Variants in NCAM2 observed in about 807,000 individuals in gnomAD.
NCAM2 encodes the protein N-CAM-2.
Under a neutral mutation model 98.1 loss-of-function variants are expected in NCAM2, and 30 were observed. The ratio of observed to expected loss-of-function variants is 0.31; its 90% confidence interval spans 0.23 to 0.41. NCAM2 has a LOEUF of 0.41. NCAM2 is among the 10% of genes least tolerant of loss of function. NCAM2 has a pLI of 1.00. For synonymous variants in NCAM2, 368 were observed against 342.4 expected (o/e 1.07, Z -0.83); for missense variants, 867 against 1,005.8 (o/e 0.86, Z 1.87).
intron 1 of NCAM2, among the ~76,000 whole-genome samples, chr21:21,009,727 T>C (rs1304095689): frequency 6.6e-6 from 1 of 152,070 alleles, no homozygotes; most frequent in East Asian, 1.9e-4. Flanking sequence ...ATTCATTCTA[T>C]TGTTATTGGA....
chr21:21,455,008 G>C (rs560955959), intron 12 of NCAM2, among the ~76,000 whole-genome samples: 1 of 151,702 alleles, frequency 6.6e-6, no homozygotes, highest in Admixed American at 6.6e-5. Context: ...ATTTGCCTAA[G>C]GATAGCAATT....
chr21:21,040,977 A>G (rs2064892987), intron 1 of NCAM2, among the ~76,000 whole-genome samples: 1 of 152,164 alleles, frequency 6.6e-6, no homozygotes, highest in African/African-American at 2.4e-5. Context: ...GGATATGCAA[A>G]TAACCCTTAT....
chr21:21,402,396 C>T (rs180895428), intron 9 of NCAM2, among the ~76,000 whole-genome samples: 2 of 152,154 alleles, frequency 1.3e-5, no homozygotes, highest in East Asian at 3.9e-4. Context: ...CCTGCAGTAC[C>T]CTCAGGCTGA....
Position 21,186,454 on chromosome 21 carries a change from A to T in NCAM2, c.56-94124A>T, listed in dbSNP as rs371420268. Among the ~76,000 whole-genome samples, 95 of 152,242 alleles carry T rather than the reference A, an allele frequency of 6.2e-4. No homozygotes were observed. In the East Asian group the frequency reaches 0.014, roughly 22 times the overall value. ...TAATTTTGGGAATAATTTTATTTTT[A>T]TAAAATTTTGAAAAATGGATAAGAC... On this transcript the variant is annotated intron_variant, in intron 1 of 17. Transcript: ENST00000400546.
At chr21:21,532,969 C>A (rs566590717) in intron 16 of NCAM2, among the ~76,000 whole-genome samples, 1 of 152,114 alleles carries the variant, frequency 6.6e-6, no homozygotes, top group South Asian at 2.1e-4. Flanking sequence ...TAGATTTCTT[C>A]TATTCTTATA....
chr21:21,388,090 C>T (rs112189496), intron 9 of NCAM2, among the ~76,000 whole-genome samples: 4 of 152,252 alleles, frequency 2.6e-5, no homozygotes, highest in African/African-American at 9.6e-5. Flanking sequence ...TATAACCAGG[C>T]TGAAGAGGCA....
intron 1 of NCAM2, among the ~76,000 whole-genome samples, chr21:21,129,627 T>C (rs909719174): frequency 1.3e-5 from 2 of 152,190 alleles, no homozygotes; most frequent in Admixed American, 1.3e-4. Flanking sequence ...GGTTTTTAGA[T>C]GGCATTCTCA....
chr21:21,062,196 C>T (rs946234189), intron 1 of NCAM2, among the ~76,000 whole-genome samples: 6 of 151,956 alleles, frequency 3.9e-5, no homozygotes, highest in African/African-American at 9.7e-5. Flanking sequence ...TTGGCATATA[C>T]GTAAGTATAA....
At position 21,297,649 on chromosome 21, in the gene NCAM2, A is replaced by G. The variant is rs533958901; in HGVS notation, c.619+5408A>G. Among the ~76,000 whole-genome samples, 5 of 151,824 alleles carry G rather than the reference A, an allele frequency of 3.3e-5. No individual in the cohort carries two copies. The East Asian group carries it at 9.7e-4, about 30-fold the overall frequency. ...GATACGCTTTTCTAAAAGAGGATTA[A>G]TATTGTCTCTCTTACTTTAACCCAC... On this transcript the variant is annotated intron_variant, in intron 5 of 17. Coordinates refer to ENST00000400546, the MANE Select transcript of NCAM2 (RefSeq NM_004540.5).
rs979146071 is a variant in NCAM2, at chr21:21,248,069, T to C, written c.56-32509T>C. 2.3e-4 allele frequency among the ~76,000 whole-genome samples: 35 copies of C among 152,170 alleles called. 1 individual carries two copies. Among genetic ancestry groups the C allele is most frequent in the Admixed American group, 2.3e-3 (35 of 15,252 alleles). ...CTTTGAGTTTTTCAATTCAATTAAA[T>C]AGACAATAATATTATATAAGTATGT... On this transcript the variant is annotated intron_variant, in intron 1 of 17. Transcript: ENST00000400546.
intron 9 of NCAM2, among the ~76,000 whole-genome samples, chr21:21,385,021 T>C (rs2076235441): frequency 6.9e-6 from 1 of 144,898 alleles, no homozygotes; most frequent in Admixed American, 6.7e-5. Flanking sequence ...TTGAAACTTG[T>C]TTTTTTTTAC....
chr21:21,432,264 G>A lies in NCAM2; in HGVS notation c.1637G>A (p.Arg546His), dbSNP rs373557277. ...GCGTCAGAAATCTGGAAAATTGTAC[G>A]CTCCCATGGAGTTCAAAGTGAGTCA... ...EVASEIWKIV[R>H]SHGVQTMVVL... Residue 546 changes from arginine (R) to histidine (H), a missense_variant, in exon 12 of 18, where the codon CGC becomes CAC. By Grantham distance (29) the Arg-to-His change is conservative (BLOSUM62 0). Transcript: ENST00000400546. The A allele has an allele frequency of 1.1e-5, 18 of 1,613,494 alleles. No homozygotes were observed. Among genetic ancestry groups the A allele is most frequent in the East Asian group, 4.5e-5 (2 of 44,874 alleles).
chr21:21,180,797 GAAGA>G (rs1484604882), intron 1 of NCAM2, among the ~76,000 whole-genome samples: 2 of 152,140 alleles, frequency 1.3e-5, no homozygotes, highest in Non-Finnish European at 2.9e-5. Context: ...TAGAAAGAAG[GAAGA>G]GTTATGTAGA....
At chr21:21,446,651 C>G (rs1054846046) in intron 12 of NCAM2, among the ~76,000 whole-genome samples, 3 of 151,932 alleles carry the variant, frequency 2.0e-5, no homozygotes, top group Non-Finnish European at 4.4e-5. Flanking sequence ...TTTGGAAAAC[C>G]CCATCATCTC....
chr21:21,029,732 G>A (rs1022412108), intron 1 of NCAM2, among the ~76,000 whole-genome samples: 2 of 152,108 alleles, frequency 1.3e-5, no homozygotes, highest in Non-Finnish European at 2.9e-5. Flanking sequence ...CTGGGTTCAA[G>A]TGATCCCCCT....
At chr21:21,401,045 C>T (rs993834579) in intron 9 of NCAM2, among the ~76,000 whole-genome samples, 1 of 152,118 alleles carries the variant, frequency 6.6e-6, no homozygotes, top group Non-Finnish European at 1.5e-5. Flanking sequence ...AAAGCAGAAA[C>T]TCAAGGTCAC....
chr21:21,526,257 T>C (rs1989317694), intron 16 of NCAM2, among the ~76,000 whole-genome samples: 1 of 152,064 alleles, frequency 6.6e-6, no homozygotes, highest in Admixed American at 6.5e-5. Flanking sequence ...GTATAGTCAA[T>C]GATTATAGCA....
intron 13 of NCAM2, among the ~76,000 whole-genome samples, chr21:21,467,428 T>TATATATATATATCTCTTTA (rs1555902035): frequency 1.8e-4 from 26 of 140,730 alleles, no homozygotes; most frequent in Middle Eastern, 3.6e-3. Flanking sequence ...ATATATCTTT[T>TATATATATATATCTCTTTA]TATATATATA....
chr21:21,327,306 C>CAAAAA lies in NCAM2; in HGVS notation c.737+2826_737+2830dup, dbSNP rs11384559. The stretch of plus-strand genomic sequence containing the variant: ...CAGGCAACAGAGCAAGACTCTGTCT[C>CAAAAA]AAAAAAAAAAAAAAAAAAAAAAAAT... On this transcript the variant is annotated intron_variant, in intron 6 of 17. Coordinates refer to ENST00000400546, the MANE Select transcript of NCAM2 (RefSeq NM_004540.5). Among the ~76,000 whole-genome samples, 132 of 82,148 alleles carry CAAAAA rather than the reference C, an allele frequency of 1.6e-3. 5 individuals are homozygous for CAAAAA. Among genetic ancestry groups the CAAAAA allele is most frequent in the African/African-American group, 6.6e-3 (125 of 18,882 alleles). The allele number at this position is 82,148 out of a possible 152,430, so 53.9% of individuals were successfully genotyped here.
Sources: allele counts gnomAD v4.1 joint callset (sites outside exome capture counted in the v4.1 genomes callset), GRCh38; gene constraint gnomAD v4.1.1; transcripts MANE v1.5; gene names NCBI Gene and HGNC (gene_info 2026-07-23, HGNC 2026-07-21).